LRRC7: variants seen among roughly 807,000 people sequenced by gnomAD.
The protein encoded by LRRC7 is leucine rich repeat containing 7, also known as leucine-rich repeat-containing protein 7.
In LRRC7, 23 loss-of-function variants were observed where a neutral mutation model predicts 175.7. That is an observed-to-expected ratio of 0.13 (90% CI 0.09 to 0.19). The LOEUF is 0.19. Among genes scored for constraint, LRRC7 ranks in the 10% least tolerant of loss-of-function variants. The probability of loss-of-function intolerance (pLI) is 1.00; values close to 1 mark genes in which losing one functional copy is unlikely to be tolerated. For synonymous variants in LRRC7, 685 were observed against 680.9 expected (o/e 1.01, Z -0.09); for missense variants, 1,354 against 1,904.7 (o/e 0.71, Z 5.38).
chr1:69,977,376 A>G (rs891911079), intron 8 of LRRC7, among the ~76,000 whole-genome samples: 1 of 152,344 alleles, frequency 6.6e-6, no homozygotes, highest in East Asian at 1.9e-4. Flanking sequence ...TAAAAAAAAG[A>G]AATACAAGCT....
At chr1:69,611,444 G>A (rs930250954) in intron 1 of LRRC7, among the ~76,000 whole-genome samples, 2 of 151,988 alleles carry the variant, frequency 1.3e-5, no homozygotes, top group Non-Finnish European at 2.9e-5. Context: ...AGGAAATACT[G>A]AATTAGTGAG....
chr1:69,568,720 G>T, intron 1 of LRRC7, 79 bp downstream of exon 1: 1 of 1,100,664 alleles, frequency 9.1e-7, no homozygotes, highest in Non-Finnish European at 1.2e-6. Flanking sequence ...GCGAGGTGTG[G>T]GACCCCAGAG....
intron 1 of LRRC7, among the ~76,000 whole-genome samples, chr1:69,677,243 TATATATATATC>T (rs962082167): frequency 0.017 from 1,985 of 117,182 alleles, 42 homozygotes; most frequent in African/African-American, 0.056. Flanking sequence ...TTATATATGT[TATATATATATC>T]ATATATATAT....
intron 7 of LRRC7, among the ~76,000 whole-genome samples, chr1:69,852,429 T>C (rs1257455603): frequency 6.6e-6 from 1 of 152,130 alleles, no homozygotes; most frequent in Non-Finnish European, 1.5e-5. Context: ...GAAGTTAAGC[T>C]CTGTGATATT....
intron 4 of LRRC7, among the ~76,000 whole-genome samples, chr1:69,809,041 GAAGA>G (rs1677484080): frequency 6.6e-6 from 1 of 151,996 alleles, no homozygotes; most frequent in South Asian, 2.1e-4. Flanking sequence ...GACTAATAAA[GAAGA>G]AAGAGAGAAG....
intron 1 of LRRC7, among the ~76,000 whole-genome samples, chr1:69,645,263 A>G (rs549589293): frequency 6.6e-6 from 1 of 152,194 alleles, no homozygotes; most frequent in East Asian, 1.9e-4. Context: ...AATTCTAAAT[A>G]TGCAAGTTCA....
chr1:69,833,527 C>T (rs1475463908), intron 5 of LRRC7, among the ~76,000 whole-genome samples: 3 of 151,902 alleles, frequency 2.0e-5, no homozygotes, highest in African/African-American at 4.8e-5. Flanking sequence ...CACATACATA[C>T]ATACAAATGC....
At chr1:69,653,117 C>G (rs1656101461) in intron 1 of LRRC7, among the ~76,000 whole-genome samples, 1 of 151,982 alleles carries the variant, frequency 6.6e-6, no homozygotes, top group Non-Finnish European at 1.5e-5. Flanking sequence ...AAACTAAAAA[C>G]TTCTGCATAA....
At chr1:69,589,656 GC>G (rs1646552428) in intron 1 of LRRC7, among the ~76,000 whole-genome samples, 1 of 152,104 alleles carries the variant, frequency 6.6e-6, no homozygotes, top group African/African-American at 2.4e-5. Context: ...GGATGTTTCT[GC>G]CATACCCACC....
chr1:69,958,297 T>C (rs1650706460), intron 8 of LRRC7, among the ~76,000 whole-genome samples: 1 of 152,034 alleles, frequency 6.6e-6, no homozygotes, highest in Non-Finnish European at 1.5e-5. Context: ...CTTATGTAGC[T>C]GTATTTCAGG....
At chr1:69,760,427 A>T (rs767469409) in intron 3 of LRRC7, 34 bp downstream of exon 3, 1 of 1,536,756 alleles carries the variant, frequency 6.5e-7, no homozygotes, top group Admixed American at 1.7e-5. Flanking sequence ...TACAATGTAA[A>T]TGAGTATTTC....
chr1:69,630,794 G>C (rs1210945864), intron 1 of LRRC7, among the ~76,000 whole-genome samples: 2 of 151,754 alleles, frequency 1.3e-5, no homozygotes, highest in Non-Finnish European at 2.9e-5. Context: ...ACCAAATAAA[G>C]TTGAAATTTC....
Position 69,930,706 on chromosome 1 carries a change from TCA to T in LRRC7, c.648-798_648-797del, listed in dbSNP as rs202181208. Reference sequence around the variant, plus strand: ...TATATAGAAAAGAGGTTTAATTGACTCACAGTTCCACATGGCTGGGCAGGCTT... The same window carrying T: ...TATATAGAAAAGAGGTTTAATTGACTCAGTTCCACATGGCTGGGCAGGCTT... On this transcript the variant is annotated intron_variant, in intron 7 of 26. Coordinates refer to ENST00000651989, the MANE Select transcript of LRRC7 (RefSeq NM_001370785.2). Among the ~76,000 whole-genome samples, 731 of 152,270 alleles carry T rather than the reference TCA, an allele frequency of 4.8e-3. 10 individuals carry two copies. Among genetic ancestry groups the T allele is most frequent in the African/African-American group, 0.016 (676 of 41,556 alleles).
intron 21 of LRRC7, among the ~76,000 whole-genome samples, chr1:70,042,962 C>G (rs990910582): frequency 1.3e-5 from 2 of 151,530 alleles, no homozygotes; most frequent in Non-Finnish European, 2.9e-5. Context: ...TAATATTTGG[C>G]TTAGAAAAAG....
rs74753693 is a variant in LRRC7 at position 69,917,612 on chromosome 1, G to C, written c.648-13895G>C. 4.3e-3 allele frequency among the ~76,000 whole-genome samples: 649 copies of C among 152,160 alleles called. 6 individuals are homozygous for C. The highest frequency in any genetic ancestry group is 0.015 in the African/African-American group (616 of 41,524). On this transcript the variant is annotated intron_variant, in intron 7 of 26. Coordinates refer to ENST00000651989, the MANE Select transcript of LRRC7 (RefSeq NM_001370785.2). ...GCTGCTGGTATCTAGTGGGTACTTT[G>C]GATGCTGCTAAACATCTTAGAGTGC...
At chr1:69,919,005 T>A (rs1464983896) in intron 7 of LRRC7, among the ~76,000 whole-genome samples, 1 of 152,178 alleles carries the variant, frequency 6.6e-6, no homozygotes, top group Non-Finnish European at 1.5e-5. Context: ...ACCAAAGGTT[T>A]CAAAAGCAAT....
chr1:69,703,726 A>G (rs1393678696), intron 2 of LRRC7, among the ~76,000 whole-genome samples: 6 of 152,006 alleles, frequency 3.9e-5, no homozygotes, highest in African/African-American at 1.4e-4. Flanking sequence ...GTGTGTACAT[A>G]TAGCATGTAT....
At position 70,136,955 on chromosome 1, in the gene LRRC7, G is replaced by T. The variant is rs1666899987; in HGVS notation, c.*15068G>T. 6.6e-6 allele frequency among the ~76,000 whole-genome samples: 1 copy of T among 151,762 alleles called. No homozygotes were observed. Among genetic ancestry groups the T allele is most frequent in the Non-Finnish European group, 1.5e-5 (1 of 67,926 alleles). ...GCCCAGGCTGGTCTCGAACTCCTGA[G>T]CTCAAGTGATCCTCCCACCTCAGCC... On this transcript the variant is annotated 3_prime_UTR_variant, in exon 27 of 27. Coordinates refer to ENST00000651989, the MANE Select transcript of LRRC7 (RefSeq NM_001370785.2).
chr1:70,117,742 CTTCAT>C (rs1416644920), intron 26 of LRRC7, among the ~76,000 whole-genome samples: 1 of 151,854 alleles, frequency 6.6e-6, no homozygotes, highest in East Asian at 1.9e-4. Context: ...TTCTTGGTAA[CTTCAT>C]TTCAACTTAA....
Sources: gnomAD v4.1 joint callset for allele counts (sites outside exome capture counted in the v4.1 genomes callset) on GRCh38, gnomAD v4.1.1 for gene constraint, MANE v1.5 for transcripts, NCBI Gene and HGNC (gene_info 2026-07-23, HGNC 2026-07-21) for gene names.